SV2B: variants seen among roughly 807,000 people sequenced by gnomAD.
The protein encoded by SV2B is synaptic vesicle glycoprotein 2B.
Under a neutral mutation model 73.9 loss-of-function variants are expected in SV2B, and 41 were observed. That is an observed-to-expected ratio of 0.56 (90% CI 0.43 to 0.72). SV2B has a LOEUF of 0.72. Among genes scored for constraint, SV2B ranks in the 30% least tolerant of loss-of-function variants. SV2B has a pLI of 0.00. For missense variants in SV2B, 764 were observed against 857.8 expected (o/e 0.89, Z 1.37); for synonymous variants, 314 against 314.2 (o/e 1.00, Z 0.01).
In SV2B at chr15:91,137,705, C is replaced by T. The variant is rs2042885630; in HGVS notation, c.-392+37342C>T. On this transcript the variant is annotated intron_variant, in intron 1 of 12. Coordinates refer to ENST00000394232, the MANE Select transcript of SV2B (RefSeq NM_001323032.3). The surrounding 1 kb of genome is among the most constrained non-coding windows in gnomAD (Gnocchi z 4.9). ...ATATACACACACACACACATTTGCA[C>T]AGGTTATTAATTGTAGCCAACAGCA... Among the ~76,000 whole-genome samples, 1 of 148,644 alleles carries T rather than the reference C, an allele frequency of 6.7e-6. No homozygotes were observed. Among genetic ancestry groups the T allele is most frequent in the Admixed American group, 6.7e-5 (1 of 14,894 alleles).
intron 1 of SV2B, among the ~76,000 whole-genome samples, chr15:91,202,756 A>G (rs2045505690): frequency 6.6e-6 from 1 of 152,168 alleles, no homozygotes. Flanking sequence ...TCAACACTCC[A>G]GGGAGTGCTG....
rs114876978 is a variant in SV2B at position 91,291,459 on chromosome 15, A to G, written c.1869-910A>G. ...TTGTGGTATGAGAAAGAAACGCTTT[A>G]TTTCAGTTGGGGAGAGGTAGCATTG... On this transcript the variant is annotated intron_variant, in intron 12 of 12. Coordinates refer to ENST00000394232, the MANE Select transcript of SV2B (RefSeq NM_001323032.3). Among the ~76,000 whole-genome samples the G allele has an allele frequency of 4.7e-3, 717 of 152,314 alleles. 4 individuals are homozygous for G. The highest frequency in any genetic ancestry group is 0.016 in the African/African-American group (678 of 41,572).
chr15:91,206,063 G>A (rs147364858), intron 1 of SV2B, among the ~76,000 whole-genome samples: 6 of 152,110 alleles, frequency 3.9e-5, no homozygotes, highest in Non-Finnish European at 7.4e-5. Context: ...TTTGAGACAG[G>A]GTCTTCCTCT....
chr15:91,159,855 A>C (rs1199182247), intron 1 of SV2B, among the ~76,000 whole-genome samples: 5 of 152,240 alleles, frequency 3.3e-5, no homozygotes, highest in African/African-American at 1.2e-4. Flanking sequence ...CTAAGTGTCT[A>C]AGTGAAAAAT....
At chr15:91,196,172 G>A (rs959572454) in intron 1 of SV2B, among the ~76,000 whole-genome samples, 1 of 152,198 alleles carries the variant, frequency 6.6e-6, no homozygotes, top group African/African-American at 2.4e-5. Flanking sequence ...AGTCATGGAA[G>A]AAAATCACAT....
Position 91,289,385 on chromosome 15 carries a change from G to A in SV2B, c.1709-136G>A. On this transcript the variant is annotated intron_variant, in intron 11 of 12. Coordinates refer to ENST00000394232, the MANE Select transcript of SV2B (RefSeq NM_001323032.3). The surrounding 1 kb of genome is among the most constrained non-coding windows in gnomAD (Gnocchi z 4.9). Reference sequence around the variant, plus strand: ...CCAGCTGTGCTCTCTCTGTGTGGAGGGTGAACCTAATACTTCAGGCAGCCT... The same window carrying A: ...CCAGCTGTGCTCTCTCTGTGTGGAGAGTGAACCTAATACTTCAGGCAGCCT... The A allele has an allele frequency of 1.8e-6, 2 of 1,093,566 alleles. No individual in the cohort carries two copies. The highest frequency in any genetic ancestry group is 1.3e-5 in the South Asian group (1 of 78,658). The allele number at this position is 1,093,566 out of a possible 1,614,324, so 67.7% of individuals were successfully genotyped here. A position where few individuals can be genotyped will look rare whatever the true frequency, so the allele number is the denominator to read the frequency against.
At chr15:91,163,018 G>A (rs1341672819) in intron 1 of SV2B, among the ~76,000 whole-genome samples, 1 of 151,820 alleles carries the variant, frequency 6.6e-6, no homozygotes, top group Non-Finnish European at 1.5e-5. Flanking sequence ...GCGGTGTTTG[G>A]TTTTCTGTCC....
chr15:91,195,886 A>G (rs2045228316), intron 1 of SV2B, among the ~76,000 whole-genome samples: 1 of 152,212 alleles, frequency 6.6e-6, no homozygotes, highest in Non-Finnish European at 1.5e-5. Flanking sequence ...ATTACTATCT[A>G]TGTACATTTT....
intron 1 of SV2B, among the ~76,000 whole-genome samples, chr15:91,222,109 C>A (rs1265080317): frequency 6.6e-6 from 1 of 152,172 alleles, no homozygotes. Context: ...CCCTTTCCTG[C>A]CTTTGGACGT....
chr15:91,266,739 T>C (rs200302743), intron 7 of SV2B, 47 bp downstream of exon 7: 3 of 1,451,048 alleles, frequency 2.1e-6, no homozygotes, highest in African/African-American at 2.8e-5. Flanking sequence ...TCTATGGGAG[T>C]CTCTTACCTT....
In SV2B at chr15:91,227,336, A is replaced by G. The variant is rs368779054; in HGVS notation, c.451+622A>G. ...GAGGACCAGCTTTGCAAATCAATTA[A>G]GAGATCAGCACCATCAGAGCCAAGC... On this transcript the variant is annotated intron_variant, in intron 2 of 12. Coordinates refer to ENST00000394232, the MANE Select transcript of SV2B (RefSeq NM_001323032.3). This position sits in a 1 kb window ranked among gnomAD's most constrained non-coding sequence, Gnocchi z 4.5. Among the ~76,000 whole-genome samples, 145 of 152,334 alleles carry G rather than the reference A, an allele frequency of 9.5e-4. 4 individuals carry two copies. In the South Asian group the frequency reaches 0.03, roughly 31 times the overall value.
chr15:91,201,574 T>C (rs2045461861), intron 1 of SV2B, among the ~76,000 whole-genome samples: 1 of 152,208 alleles, frequency 6.6e-6, no homozygotes. Context: ...CTAACTTCCA[T>C]GACTCCCTAT....
chr15:91,162,321 A>G (rs1006100538), intron 1 of SV2B, among the ~76,000 whole-genome samples: 4 of 152,246 alleles, frequency 2.6e-5, no homozygotes, highest in Non-Finnish European at 4.4e-5. Context: ...TTTGACAATA[A>G]CAAGAAGTAG....
chr15:91,166,926 G>T (rs779599571), intron 1 of SV2B, among the ~76,000 whole-genome samples: 2 of 151,300 alleles, frequency 1.3e-5, no homozygotes, highest in Non-Finnish European at 2.9e-5. Context: ...CCATTCTCCT[G>T]CCTCAGCCTC....
At chr15:91,133,693 C>A (rs2042726089) in intron 1 of SV2B, among the ~76,000 whole-genome samples, 2 of 152,160 alleles carry the variant, frequency 1.3e-5, no homozygotes, top group Non-Finnish European at 2.9e-5. Flanking sequence ...CTCCACACTT[C>A]CTGTCCCCAG....
intron 1 of SV2B, among the ~76,000 whole-genome samples, chr15:91,156,966 T>A (rs2043512051): frequency 6.6e-6 from 1 of 152,192 alleles, no homozygotes; most frequent in African/African-American, 2.4e-5. Flanking sequence ...GATAAACAGA[T>A]GTGTAGGCGC....
intron 1 of SV2B, among the ~76,000 whole-genome samples, chr15:91,143,507 A>G (rs1396817509): frequency 1.3e-5 from 2 of 152,186 alleles, no homozygotes; most frequent in Non-Finnish European, 2.9e-5. Context: ...GCTCCAGTGT[A>G]TTGACTTTGC....
chr15:91,230,655 C>A (rs1300388531), intron 2 of SV2B, among the ~76,000 whole-genome samples: 1 of 152,200 alleles, frequency 6.6e-6, no homozygotes, highest in Admixed American at 6.5e-5. Flanking sequence ...CTTCAACTCT[C>A]AATGAAGAAG....
intron 1 of SV2B, among the ~76,000 whole-genome samples, chr15:91,142,210 C>A (rs1185732026): frequency 1.3e-5 from 2 of 152,286 alleles, no homozygotes; most frequent in East Asian, 3.9e-4. Flanking sequence ...GTTCTCTCAT[C>A]CCTCCCCTGT....
Sources: allele counts gnomAD v4.1 joint callset (sites outside exome capture counted in the v4.1 genomes callset), GRCh38; gene constraint gnomAD v4.1.1; non-coding constraint Gnocchi (gnomAD v3.1); transcripts MANE v1.5; gene names NCBI Gene and HGNC (gene_info 2026-07-23, HGNC 2026-07-21).